Variants in THSD7A observed in about 807,000 individuals in gnomAD.
The protein encoded by THSD7A is thrombospondin type 1 domain containing 7A.
A neutral mutation model predicts 231.3 loss-of-function variants in THSD7A; 96 were observed. The ratio of observed to expected loss-of-function variants is 0.41; its 90% confidence interval spans 0.35 to 0.49. The LOEUF (loss-of-function observed/expected upper bound fraction) is 0.49. THSD7A is among the 20% of genes least tolerant of loss of function. The pLI, the probability that THSD7A is intolerant of heterozygous loss-of-function variation, is 0.05. For missense variants in THSD7A, 2,290 were observed against 2,070.2 expected, an observed-to-expected ratio of 1.11 and a Z score of -2.06; for synonymous variants, 940 against 743.3, an observed-to-expected ratio of 1.26 and a Z score of -4.30.
intron 7 of THSD7A, among the ~76,000 whole-genome samples, chr7:11,478,814 A>G (rs1786306226): frequency 6.6e-6 from 1 of 152,140 alleles, no homozygotes; most frequent in African/African-American, 2.4e-5. Flanking sequence ...GATACACAAT[A>G]AGAACACTGA....
At chr7:11,568,645 A>C (rs1160828301) in intron 4 of THSD7A, among the ~76,000 whole-genome samples, 4 of 142,090 alleles carry the variant, frequency 2.8e-5, no homozygotes, top group African/African-American at 2.7e-5. Flanking sequence ...AAAAAAAAAA[A>C]AAAAAAAAAC....
intron 1 of THSD7A, among the ~76,000 whole-genome samples, chr7:11,667,201 C>G (rs1783172688): frequency 6.6e-6 from 1 of 152,002 alleles, no homozygotes; most frequent in African/African-American, 2.4e-5. Context: ...TTAGCCCTCA[C>G]CCCTCACCCA....
At chr7:11,418,093 C>A (rs1784021947) in intron 16 of THSD7A, among the ~76,000 whole-genome samples, 1 of 152,158 alleles carries the variant, frequency 6.6e-6, no homozygotes, top group Non-Finnish European at 1.5e-5. Context: ...ACACTGAAAT[C>A]TCTAAGTGGG....
chr7:11,715,594 A>G lies in THSD7A; in HGVS notation c.191-78633T>C, dbSNP rs2128150654. The stretch of plus-strand genomic sequence containing the variant: ...GCAATAGAATTTTGATTTGAGAATT[A>G]TATATTTTGTATAGATTCTTGTTTA... On this transcript the variant is annotated intron_variant, in intron 1 of 27. Coordinates refer to ENST00000423059, the MANE Select transcript of THSD7A (RefSeq NM_015204.3). 2.6e-5 allele frequency among the ~76,000 whole-genome samples: 4 copies of G among 151,572 alleles called. No homozygotes were observed. In the Middle Eastern group the frequency reaches 0.014, roughly 516 times the overall value.
At chr7:11,554,419 A>G (rs949288819) in intron 4 of THSD7A, among the ~76,000 whole-genome samples, 1 of 152,102 alleles carries the variant, frequency 6.6e-6, no homozygotes, top group Non-Finnish European at 1.5e-5. Flanking sequence ...TCAGTCTTTT[A>G]CCATTAAGTA....
intron 1 of THSD7A, among the ~76,000 whole-genome samples, chr7:11,767,324 C>T (rs1256831659): frequency 2.0e-5 from 3 of 152,180 alleles, no homozygotes; most frequent in Non-Finnish European, 4.4e-5. Context: ...TTCATAACGT[C>T]TCTAACCACT....
chr7:11,775,852 T>C (rs1783388529), intron 1 of THSD7A, among the ~76,000 whole-genome samples: 1 of 152,200 alleles, frequency 6.6e-6, no homozygotes, highest in African/African-American at 2.4e-5. Context: ...AATATTTTAC[T>C]GTAATTTTAA....
In THSD7A at chr7:11,590,732, T is replaced by C. The variant is rs1780130079; in HGVS notation, c.1272-91A>G. ...CATACTTTGTTTTAACGAAAATTAG[T>C]CTCAAAATCATTTTCCTAGAGAATC... On this transcript the variant is annotated intron_variant, in intron 3 of 27. Coordinates refer to ENST00000423059, the MANE Select transcript of THSD7A (RefSeq NM_015204.3). The surrounding 1 kb of genome is among the most constrained non-coding windows in gnomAD (Gnocchi z 4.4). 1 of 1,391,282 alleles carries C rather than the reference T, an allele frequency of 7.2e-7. No individual in the cohort carries two copies. Among genetic ancestry groups the C allele is most frequent in the African/African-American group, 1.5e-5 (1 of 68,876 alleles). 86.2% of individuals were successfully genotyped at this position (1,391,282 alleles called of 1,614,324 possible).
chr7:11,521,491 TA>T lies in THSD7A; in HGVS notation c.1822+19927del, dbSNP rs1302727158. On this transcript the variant is annotated intron_variant, in intron 6 of 27. Coordinates refer to ENST00000423059, the MANE Select transcript of THSD7A (RefSeq NM_015204.3). ...TATTTTTTTATTTTATTTATTTATT[TA>T]TTTATTTTTTTATTATACTCTAAGT... 7.1e-3 allele frequency among the ~76,000 whole-genome samples: 1,013 copies of T among 142,958 alleles called. 109 individuals are homozygous for T. Among genetic ancestry groups the T allele is most frequent in the Non-Finnish European group, 0.013 (832 of 66,134 alleles). 93.8% of individuals were successfully genotyped at this position (142,958 alleles called of 152,430 possible). A position where few individuals can be genotyped will look rare whatever the true frequency, so the allele number is the denominator to read the frequency against.
intron 19 of THSD7A, among the ~76,000 whole-genome samples, chr7:11,407,783 C>G (rs1037035731): frequency 1.3e-5 from 2 of 152,050 alleles, no homozygotes; most frequent in Non-Finnish European, 2.9e-5. Flanking sequence ...AAACTAGTAT[C>G]ATCAATATTT....
intron 1 of THSD7A, among the ~76,000 whole-genome samples, chr7:11,746,634 T>C (rs2128163162): frequency 6.6e-6 from 1 of 151,882 alleles, no homozygotes; most frequent in African/African-American, 2.4e-5. Flanking sequence ...AGAGATGGAG[T>C]GGTCTTCTCA....
chr7:11,647,540 T>C (rs1472822591), intron 1 of THSD7A, among the ~76,000 whole-genome samples: 1 of 152,080 alleles, frequency 6.6e-6, no homozygotes, highest in African/African-American at 2.4e-5. Context: ...ATGTAGAAAG[T>C]CCAGTGGATT....
intron 2 of THSD7A, among the ~76,000 whole-genome samples, chr7:11,613,632 A>G (rs539564737): frequency 4.9e-4 from 75 of 152,334 alleles, no homozygotes; most frequent in African/African-American, 1.8e-3. Context: ...GCCCCAAAAT[A>G]TACACTTCTT....
chr7:11,820,295 G>T, intron 1 of THSD7A: 1 of 556,470 alleles, frequency 1.8e-6, no homozygotes, highest in Non-Finnish European at 2.8e-6. Context: ...CCCTGGGCAA[G>T]GAATTCCGTA....
At position 11,728,263 on chromosome 7, in the gene THSD7A, G is replaced by A. The variant is rs1027623445; in HGVS notation, c.191-91302C>T. Among the ~76,000 whole-genome samples, 4 of 151,886 alleles carry A rather than the reference G, an allele frequency of 2.6e-5. No individual in the cohort carries two copies. In the South Asian group the frequency reaches 6.2e-4, roughly 24 times the overall value. On this transcript the variant is annotated intron_variant, in intron 1 of 27. Coordinates refer to ENST00000423059, the MANE Select transcript of THSD7A (RefSeq NM_015204.3). ...GTGGAAATCTCACTCAGTTCATTTG[G>A]TATATATACTATTCTGTAGGCAGGT...
At chr7:11,502,328 C>A (rs1434746817) in intron 6 of THSD7A, among the ~76,000 whole-genome samples, 3 of 152,070 alleles carry the variant, frequency 2.0e-5, no homozygotes, top group African/African-American at 7.2e-5. Flanking sequence ...GGCAGAGACA[C>A]AACAACAACA....
intron 1 of THSD7A, among the ~76,000 whole-genome samples, chr7:11,798,851 TA>T (rs1269222178): frequency 5.9e-5 from 9 of 152,190 alleles, no homozygotes; most frequent in African/African-American, 2.2e-4. Flanking sequence ...GCAAGTAATT[TA>T]AAAATCATTT....
intron 1 of THSD7A, among the ~76,000 whole-genome samples, chr7:11,762,706 T>G (rs1165333531): frequency 6.6e-6 from 1 of 152,202 alleles, no homozygotes; most frequent in Non-Finnish European, 1.5e-5. Flanking sequence ...CTCTGTTGAT[T>G]GTTTCTTTTG....
At chr7:11,614,512 C>T (rs767770145) in intron 2 of THSD7A, among the ~76,000 whole-genome samples, 17 of 152,104 alleles carry the variant, frequency 1.1e-4, no homozygotes, top group African/African-American at 2.7e-4. Context: ...GTTAGGAAGG[C>T]GGATCTACAA....
Sources: gnomAD v4.1 joint callset for allele counts (sites outside exome capture counted in the v4.1 genomes callset) on GRCh38, gnomAD v4.1.1 for gene constraint, Gnocchi (gnomAD v3.1) non-coding constraint, MANE v1.5 for transcripts, NCBI Gene and HGNC (gene_info 2026-07-23, HGNC 2026-07-21) for gene names.